PIK3AP1: variants seen among roughly 807,000 people sequenced by gnomAD.
The protein encoded by PIK3AP1 is phosphoinositide-3-kinase adaptor protein 1.
Under a neutral mutation model 88.1 loss-of-function variants are expected in PIK3AP1, and 21 were observed. The observed-to-expected ratio is 0.24, with a 90% CI of 0.17 to 0.34. PIK3AP1 has a LOEUF of 0.34. PIK3AP1 is among the 10% of genes least tolerant of loss of function. The probability of loss-of-function intolerance (pLI) is 1.00; values close to 1 mark genes in which losing one functional copy is unlikely to be tolerated. For missense variants in PIK3AP1, 828 were observed against 1,035.7 expected (o/e 0.80, Z 2.75); for synonymous variants, 398 against 400.0 (o/e 1.00, Z 0.06).
At chr10:96,700,810 G>A (rs1844287294) in intron 2 of PIK3AP1, 9 of 985,436 alleles carry the variant, frequency 9.1e-6, no homozygotes, top group African/African-American at 8.7e-5. Context: ...TACCATCTGC[G>A]AGGCCACGAC....
At chr10:96,628,889 C>CACACACACAT (rs1554955372) in intron 8 of PIK3AP1, among the ~76,000 whole-genome samples, 40 of 60,840 alleles carry the variant, frequency 6.6e-4, no homozygotes, top group African/African-American at 2.4e-3. Context: ...TATATATATA[C>CACACACACAT]ATATATATAT....
Position 96,602,375 on chromosome 10 carries a change from G to A in PIK3AP1, c.2265C>T (p.Thr755=), listed in dbSNP as rs1458869524. 6.2e-7 allele frequency: 1 copy of A among 1,612,380 alleles called. No homozygotes were observed. The highest frequency in any genetic ancestry group is 8.5e-7 in the Non-Finnish European group (1 of 1,178,808). ...GTGGGGGGCCTGGACTGCGACTTCT[G>A]GTAACCTCAGGGACTTCATTATCCT... ...DNEDNEVPEV[T]RSRSPGPPQV... Residue 755 remains threonine (T), a synonymous_variant, in exon 16 of 17, where the codon ACC becomes ACT. Coordinates refer to ENST00000339364, the MANE Select transcript of PIK3AP1 (RefSeq NM_152309.3).
intron 2 of PIK3AP1, among the ~76,000 whole-genome samples, chr10:96,674,730 G>C (rs1231155199): frequency 6.6e-6 from 1 of 152,246 alleles, no homozygotes; most frequent in Non-Finnish European, 1.5e-5. Flanking sequence ...GTGCCTGGAG[G>C]CTTTTAGTGT....
chr10:96,612,971 TATATATA>T, intron 13 of PIK3AP1, among the ~76,000 whole-genome samples: 1 of 117,316 alleles, frequency 8.5e-6, no homozygotes, highest in African/African-American at 3.9e-5. Context: ...TATATATATA[TATATATA>T]TATATTTTTT....
chr10:96,650,182 G>C (rs1020296992), intron 6 of PIK3AP1, among the ~76,000 whole-genome samples: 5 of 152,146 alleles, frequency 3.3e-5, no homozygotes, highest in African/African-American at 1.2e-4. Flanking sequence ...TCCATAGTAG[G>C]AAAATGGGGA....
At chr10:96,605,062 G>A (rs191763535) in intron 14 of PIK3AP1, among the ~76,000 whole-genome samples, 7 of 152,274 alleles carry the variant, frequency 4.6e-5, no homozygotes, top group Non-Finnish European at 1.0e-4. Flanking sequence ...ATTTCATCAT[G>A]TTGGCCAGGC....
intron 1 of PIK3AP1, among the ~76,000 whole-genome samples, chr10:96,718,260 C>T (rs1203297315): frequency 6.6e-6 from 1 of 152,198 alleles, no homozygotes; most frequent in Non-Finnish European, 1.5e-5. Flanking sequence ...TACTAAAAAC[C>T]ACTGAATTGT....
In PIK3AP1 at chr10:96,602,261, A is replaced by G. The variant is rs747096308; in HGVS notation, c.2360+19T>C. 8 of 1,563,552 alleles carry G rather than the reference A, an allele frequency of 5.1e-6. No individual in the cohort carries two copies. Among genetic ancestry groups the G allele is most frequent in the Admixed American group, 3.5e-5 (2 of 56,742 alleles). On this transcript the variant is annotated intron_variant, in intron 16 of 16. Transcript: ENST00000339364. ...GATTCAGAGATAAGGGAAAAATTTC[A>G]TATCAGTTTTGATGTTACCTCTGTG...
intron 8 of PIK3AP1, among the ~76,000 whole-genome samples, chr10:96,629,930 A>AAAAAAAAAAAAAAAAAAAAGAAGAAG (rs776780994): frequency 1.5e-4 from 2 of 13,724 alleles, no homozygotes; most frequent in African/African-American, 1.8e-4. Context: ...AAAAAAAAAA[A>AAAAAAAAAAAAAAAAAAAAGAAGAAG]AAGAAGAAGA....
intron 1 of PIK3AP1, among the ~76,000 whole-genome samples, chr10:96,712,744 G>C (rs1009669732): frequency 3.9e-5 from 6 of 152,256 alleles, no homozygotes; most frequent in Admixed American, 3.9e-4. Flanking sequence ...GAGCCATCAG[G>C]TAGGACAGGT....
intron 14 of PIK3AP1, among the ~76,000 whole-genome samples, chr10:96,605,422 C>T (rs1311724497): frequency 1.3e-5 from 2 of 152,184 alleles, no homozygotes; most frequent in African/African-American, 2.4e-5. Context: ...GCTACCATAA[C>T]TGGACAGCAC....
intron 12 of PIK3AP1, chr10:96,618,501 T>C (rs1843031404): frequency 6.6e-6 from 1 of 152,668 alleles, no homozygotes; most frequent in South Asian, 2.1e-4. Flanking sequence ...CAGACTGAGT[T>C]AGTGGTGGCT....
chr10:96,692,862 G>T (rs1246169435), intron 2 of PIK3AP1, among the ~76,000 whole-genome samples: 1 of 152,114 alleles, frequency 6.6e-6, no homozygotes, highest in Non-Finnish European at 1.5e-5. Flanking sequence ...TCCCAATCAA[G>T]AATTTATTTT....
chr10:96,677,742 G>A (rs981270173), intron 2 of PIK3AP1, among the ~76,000 whole-genome samples: 11 of 152,078 alleles, frequency 7.2e-5, no homozygotes, highest in African/African-American at 2.7e-4. Context: ...CAAGCGTGAG[G>A]ACAAAACATG....
intron 2 of PIK3AP1, among the ~76,000 whole-genome samples, chr10:96,677,582 C>CAG (rs1384159753): frequency 8.7e-6 from 1 of 114,636 alleles, no homozygotes; most frequent in Middle Eastern, 3.8e-3. Flanking sequence ...AGCACATACA[C>CAG]ACACACACAC....
At position 96,635,141 on chromosome 10, in the gene PIK3AP1, T is replaced by A. The variant is rs79545643; in HGVS notation, c.1376-6648A>T. Among the ~76,000 whole-genome samples the A allele has an allele frequency of 1.5e-4, 23 of 152,332 alleles. No homozygotes were observed. The East Asian group carries it at 3.9e-3, about 26-fold the overall frequency. On this transcript the variant is annotated intron_variant, in intron 8 of 16. Transcript: ENST00000339364. The stretch of plus-strand genomic sequence containing the variant: ...TTAGCAACCTTGATTCCATCTGTAA[T>A]CTTAATTCTCCTTTGCCATGTAACC...
chr10:96,633,248 T>C (rs1182767440), intron 8 of PIK3AP1: 2 of 570,096 alleles, frequency 3.5e-6, no homozygotes, highest in African/African-American at 1.9e-5. Context: ...ATTTTTATTG[T>C]AGGCAATGTT....
intron 1 of PIK3AP1, among the ~76,000 whole-genome samples, chr10:96,718,391 G>A (rs960398868): frequency 3.9e-5 from 6 of 152,306 alleles, no homozygotes; most frequent in South Asian, 4.1e-4. Context: ...GCACCTTGGC[G>A]AGCGGCATTG....
intron 2 of PIK3AP1, among the ~76,000 whole-genome samples, chr10:96,674,402 C>T (rs1042058753): frequency 1.3e-5 from 2 of 152,156 alleles, no homozygotes; most frequent in African/African-American, 4.8e-5. Context: ...TTTATGCCTG[C>T]CTGGTTTGTT....
Sources: allele counts gnomAD v4.1 joint callset (sites outside exome capture counted in the v4.1 genomes callset), GRCh38; gene constraint gnomAD v4.1.1; transcripts MANE v1.5; gene names NCBI Gene and HGNC (gene_info 2026-07-23, HGNC 2026-07-21).